RPA2: variants seen among roughly 807,000 people sequenced by gnomAD.
RPA2 encodes replication protein A2, also known as replication protein A 32 kDa subunit.
RPA2 carries 22 observed loss-of-function variants against 33.4 expected under a neutral mutation model. The ratio of observed to expected loss-of-function variants is 0.66; its 90% CI spans 0.47 to 0.94. RPA2 has a LOEUF of 0.94. Ranked by LOEUF, RPA2 falls within the 40% of genes least tolerant of loss-of-function variation. The pLI is 0.00. For missense variants in RPA2, 279 were observed against 329.9 expected (o/e 0.85, Z 1.19); for synonymous variants, 109 against 114.9 (o/e 0.95, Z 0.33).
chr1:27,908,343 T>C (rs532341970), intron 2 of RPA2, among the ~76,000 whole-genome samples: 9 of 152,108 alleles, frequency 5.9e-5, no homozygotes, highest in Non-Finnish European at 8.8e-5. Context: ...TTGCCCAGGC[T>C]GGTCTTAAAC....
In RPA2 at chr1:27,907,238, C is replaced by T. The variant is rs2090040910; in HGVS notation, c.162G>A (p.Leu54=). 1 of 1,613,874 alleles carries T rather than the reference C, an allele frequency of 6.2e-7. No homozygotes were observed. The highest frequency in any genetic ancestry group is 1.7e-5 in the Admixed American group (1 of 59,940). Residue 54 remains leucine (L), a synonymous_variant, in exon 3 of 9, where the codon CTG becomes CTA. Coordinates refer to ENST00000373912, the MANE Select transcript of RPA2 (RefSeq NM_002946.5). ...QHIVPCTISQ[L]LSATLVDEVF... ...CTTCATCAACCAAAGTGGCAGAAAGCAGCTGAGATATAGTACAGGGCACAA... is the reference window on the plus strand; with the variant it reads ...CTTCATCAACCAAAGTGGCAGAAAGTAGCTGAGATATAGTACAGGGCACAA...
intron 5 of RPA2, 114 bp downstream of exon 5, chr1:27,897,519 A>T: frequency 1.6e-6 from 1 of 640,070 alleles, no homozygotes; most frequent in Non-Finnish European, 2.6e-6. Flanking sequence ...AGTAAGAAAT[A>T]ACTTCCCATT....
At chr1:27,900,788 C>T (rs1219928441) in intron 4 of RPA2, among the ~76,000 whole-genome samples, 1 of 152,110 alleles carries the variant, frequency 6.6e-6, no homozygotes, top group Admixed American at 6.6e-5. Context: ...CCTCACCCTC[C>T]CGAGTAGCCA....
intron 8 of RPA2, 40 bp from the exon 9 acceptor site, chr1:27,892,287 C>T (rs944829327): frequency 4.5e-6 from 7 of 1,562,238 alleles, no homozygotes; most frequent in African/African-American, 2.7e-5. Flanking sequence ...ATTTTCAGGC[C>T]AATTCAGAAG....
chr1:27,898,665 C>A (rs893589558), intron 4 of RPA2, among the ~76,000 whole-genome samples: 3 of 151,850 alleles, frequency 2.0e-5, no homozygotes, highest in Non-Finnish European at 2.9e-5. Flanking sequence ...CCTGCCTCAG[C>A]CTCCCAAATA....
intron 4 of RPA2, among the ~76,000 whole-genome samples, chr1:27,898,867 T>G (rs536225444): frequency 6.6e-6 from 1 of 152,176 alleles, no homozygotes; most frequent in African/African-American, 2.4e-5. Context: ...CATTAGCTGA[T>G]TTTTAAAGTT....
At chr1:27,894,535 A>G in intron 6 of RPA2, 138 bp from the exon 7 acceptor site, 1 of 629,742 alleles carries the variant, frequency 1.6e-6, no homozygotes, top group Non-Finnish European at 2.7e-6. Context: ...CTTACATTGG[A>G]GTGGACAGCT....
At chr1:27,904,106 G>A (rs1403843658) in intron 4 of RPA2, among the ~76,000 whole-genome samples, 4 of 151,578 alleles carry the variant, frequency 2.6e-5, no homozygotes, top group Non-Finnish European at 5.9e-5. Context: ...GGAGGTTGTG[G>A]TGAGCTGGAG....
intron 2 of RPA2, among the ~76,000 whole-genome samples, chr1:27,907,488 TCCAGAGCTC>T (rs1243282918): frequency 3.3e-5 from 5 of 152,178 alleles, no homozygotes; most frequent in Non-Finnish European, 5.9e-5. Flanking sequence ...TTTGTCTAAC[TCCAGAGCTC>T]CTGCTGAATA....
intron 2 of RPA2, among the ~76,000 whole-genome samples, chr1:27,909,765 G>C (rs2090075310): frequency 6.6e-6 from 1 of 151,598 alleles, no homozygotes; most frequent in African/African-American, 2.4e-5. Context: ...TAACTCATTT[G>C]TACCTCGGTT....
intron 3 of RPA2, 68 bp from the exon 4 acceptor site, chr1:27,907,109 G>T (rs578019301): frequency 7.0e-6 from 11 of 1,560,488 alleles, no homozygotes; most frequent in Non-Finnish European, 8.7e-6. Context: ...CTACATTTTT[G>T]TATTTTTTAA....
At chr1:27,896,731 G>C (rs1161803464) in intron 6 of RPA2, among the ~76,000 whole-genome samples, 2 of 152,090 alleles carry the variant, frequency 1.3e-5, no homozygotes, top group African/African-American at 2.4e-5. Context: ...TAAGAGCTAA[G>C]AGCCTATAAT....
At chr1:27,902,137 A>G (rs1250080985) in intron 4 of RPA2, among the ~76,000 whole-genome samples, 1 of 152,152 alleles carries the variant, frequency 6.6e-6, no homozygotes, top group South Asian at 2.1e-4. Context: ...CCCAGGCTAG[A>G]GGGCAGTGAC....
intron 4 of RPA2, among the ~76,000 whole-genome samples, chr1:27,906,328 T>C (rs985497236): frequency 6.6e-6 from 1 of 150,706 alleles, no homozygotes; most frequent in African/African-American, 2.4e-5. Context: ...GATTGCGCCA[T>C]TGCACTCCAG....
intron 2 of RPA2, among the ~76,000 whole-genome samples, chr1:27,907,789 G>C (rs987309355): frequency 6.6e-6 from 1 of 152,190 alleles, no homozygotes; most frequent in Non-Finnish European, 1.5e-5. Context: ...CAGATTTTTT[G>C]ACTATCAAAT....
intron 2 of RPA2, among the ~76,000 whole-genome samples, chr1:27,907,989 T>C (rs1309544595): frequency 6.6e-6 from 1 of 151,506 alleles, no homozygotes; most frequent in Admixed American, 6.6e-5. Flanking sequence ...GCTGGGACTA[T>C]ATGTGCCAGC....
At chr1:27,904,959 G>A (rs2090010461) in intron 4 of RPA2, among the ~76,000 whole-genome samples, 1 of 151,914 alleles carries the variant, frequency 6.6e-6, no homozygotes, top group South Asian at 2.1e-4. Flanking sequence ...GCCTAAAACA[G>A]TCTTTATTAT....
chr1:27,901,954 T>G (rs368318853), intron 4 of RPA2, among the ~76,000 whole-genome samples: 1 of 151,754 alleles, frequency 6.6e-6, no homozygotes, highest in East Asian at 1.9e-4. Flanking sequence ...AAAAACACTG[T>G]TAGGGGAAGG....
intron 4 of RPA2, 143 bp from the exon 5 acceptor site, chr1:27,897,850 T>C: frequency 2.2e-6 from 1 of 462,576 alleles, no homozygotes; most frequent in East Asian, 3.5e-5. Context: ...TAGTTTGCCC[T>C]GCCTTTTACA....
Sources: gnomAD v4.1 joint callset for allele counts (sites outside exome capture counted in the v4.1 genomes callset) on GRCh38, gnomAD v4.1.1 for gene constraint, MANE v1.5 for transcripts, NCBI Gene and HGNC (gene_info 2026-07-23, HGNC 2026-07-21) for gene names.